The following CTNNA2 variants were observed in gnomAD, a reference collection of about 807,000 sequenced individuals.
CTNNA2 encodes the protein catenin alpha 2, also known as catenin alpha-2.
CTNNA2 carries 42 observed loss-of-function variants against 101.0 expected under a neutral mutation model. That is an observed-to-expected ratio of 0.42 (90% CI 0.32 to 0.54). The LOEUF (loss-of-function observed/expected upper bound fraction) is 0.54, where lower values mean the gene tolerates loss of function less well. CTNNA2 is among the 20% of genes least tolerant of loss of function. The pLI is 0.14. For missense variants in CTNNA2, 871 were observed against 1,223.1 expected (o/e 0.71, Z 4.29); for synonymous variants, 450 against 456.4 (o/e 0.99, Z 0.18).
intron 2 of CTNNA2, among the ~76,000 whole-genome samples, chr2:79,248,114 A>G (rs1282066995): frequency 6.6e-6 from 1 of 152,216 alleles, no homozygotes; most frequent in African/African-American, 2.4e-5. Context: ...CCAGTGGGGC[A>G]TTGGAAAATC....
At chr2:79,907,792 A>G (rs189960159) in intron 6 of CTNNA2, among the ~76,000 whole-genome samples, 2 of 152,356 alleles carry the variant, frequency 1.3e-5, no homozygotes, top group African/African-American at 4.8e-5. Flanking sequence ...TTCTAAATTG[A>G]AAAGAGGCTT....
At chr2:80,050,406 A>G (rs1696800811) in intron 7 of CTNNA2, among the ~76,000 whole-genome samples, 1 of 152,156 alleles carries the variant, frequency 6.6e-6, no homozygotes, top group African/African-American at 2.4e-5. Flanking sequence ...CCGGTAAATC[A>G]CAGACATATG....
chr2:80,433,783 G>A (rs1046978807), intron 9 of CTNNA2, among the ~76,000 whole-genome samples: 7 of 152,000 alleles, frequency 4.6e-5, no homozygotes, highest in African/African-American at 1.5e-4. Flanking sequence ...CCTTTCAAAC[G>A]GTTATTCTAT....
At chr2:79,860,545 A>ATTTTTTTTTTTTT (rs1558588951) in intron 4 of CTNNA2, among the ~76,000 whole-genome samples, 1 of 19,186 alleles carries the variant, frequency 5.2e-5, no homozygotes, top group African/African-American at 2.2e-4. Flanking sequence ...GAGTAAGGGA[A>ATTTTTTTTTTTTT]GTTTTTTTTT....
chr2:79,688,233 A>C (rs1486725227), intron 2 of CTNNA2, among the ~76,000 whole-genome samples: 9 of 152,102 alleles, frequency 5.9e-5, no homozygotes, highest in Non-Finnish European at 1.3e-4. Flanking sequence ...TGTGGGCTTA[A>C]GCCAAAAAAT....
intron 1 of CTNNA2, among the ~76,000 whole-genome samples, chr2:79,639,684 C>A (rs1482777601): frequency 6.6e-6 from 1 of 151,804 alleles, no homozygotes; most frequent in Non-Finnish European, 1.5e-5. Flanking sequence ...GTTTTCAATG[C>A]CTTGTTGAAT....
At position 80,644,714 on chromosome 2, in the gene CTNNA2, G is replaced by C. The variant is rs551097929; in HGVS notation, c.2575-2871G>C. Among the ~76,000 whole-genome samples, 3 of 152,230 alleles carry C rather than the reference G, an allele frequency of 2.0e-5. No homozygotes were observed. The South Asian group carries it at 6.2e-4, about 32-fold the overall frequency. On this transcript the variant is annotated intron_variant, in intron 18 of 18. Transcript: ENST00000402739. ...TAACTTTAAATTGGGCTTATTGTTT[G>C]TGGAAATATTTGTTCCAGTTCAGTT... is the stretch of plus-strand genomic sequence containing the variant.
At chr2:80,538,841 T>G (rs535504281) in intron 9 of CTNNA2, among the ~76,000 whole-genome samples, 39 of 152,352 alleles carry the variant, frequency 2.6e-4, no homozygotes, top group African/African-American at 9.1e-4. Context: ...ACGATACTGA[T>G]TCTTCCTGTC....
chr2:80,511,004 C>A (rs1688662635), intron 9 of CTNNA2, among the ~76,000 whole-genome samples: 1 of 152,134 alleles, frequency 6.6e-6, no homozygotes. Context: ...ACTTTAATAT[C>A]ATCTCTCAGG....
chr2:79,868,400 T>C (rs930785856), intron 4 of CTNNA2, among the ~76,000 whole-genome samples: 6 of 152,184 alleles, frequency 3.9e-5, no homozygotes, highest in Non-Finnish European at 7.4e-5. Flanking sequence ...GCCTATTTGG[T>C]AAATTGAATG....
chr2:80,635,432 T>C (rs1456919213), intron 18 of CTNNA2, among the ~76,000 whole-genome samples: 1 of 152,200 alleles, frequency 6.6e-6, no homozygotes, highest in Non-Finnish European at 1.5e-5. Context: ...TAAATGATGA[T>C]AGCATTTCCT....
At chr2:79,704,443 G>A (rs1459776908) in intron 2 of CTNNA2, among the ~76,000 whole-genome samples, 2 of 151,552 alleles carry the variant, frequency 1.3e-5, no homozygotes, top group African/African-American at 2.4e-5. Context: ...AATGTTTAAC[G>A]GTAAATATCC....
intron 7 of CTNNA2, among the ~76,000 whole-genome samples, chr2:80,122,158 ATCTCTCTCTT>A (rs776223259): frequency 1.5e-4 from 23 of 150,466 alleles, no homozygotes; most frequent in Non-Finnish European, 3.0e-4. Flanking sequence ...GGAGCTTGGA[ATCTCTCTCTT>A]TCTCTCTCTA....
chr2:80,397,459 A>G (rs950962329), intron 8 of CTNNA2, among the ~76,000 whole-genome samples: 1 of 152,060 alleles, frequency 6.6e-6, no homozygotes, highest in African/African-American at 2.4e-5. Flanking sequence ...CCCTTATGTC[A>G]TGGGAGGGAC....
chr2:79,786,996 A>G (rs1042912021), intron 3 of CTNNA2, among the ~76,000 whole-genome samples: 28 of 151,942 alleles, frequency 1.8e-4, no homozygotes, highest in Non-Finnish European at 5.9e-5. Context: ...TATTCAATCC[A>G]TGCCTTGGCA....
intron 15 of CTNNA2, among the ~76,000 whole-genome samples, chr2:80,590,549 C>G (rs62151978): frequency 0.064 from 9,788 of 151,858 alleles, 566 homozygotes; most frequent in African/African-American, 0.15. Flanking sequence ...TGATGGGTGA[C>G]AACTTTTTTT....
At chr2:79,455,560 T>G (rs747732785) in intron 4 of CTNNA2, among the ~76,000 whole-genome samples, 6 of 152,160 alleles carry the variant, frequency 3.9e-5, no homozygotes, top group Non-Finnish European at 8.8e-5. Context: ...GGTACTCCAC[T>G]CTCCCTTGTT....
intron 7 of CTNNA2, among the ~76,000 whole-genome samples, chr2:79,985,237 C>T (rs1691676812): frequency 6.6e-6 from 1 of 152,186 alleles, no homozygotes; most frequent in African/African-American, 2.4e-5. Context: ...CAGTGCTGCA[C>T]ACTCCATGCC....
chr2:79,324,733 T>TAC lies in CTNNA2; in HGVS notation c.-318+11952_-318+11953dup, dbSNP rs748850942. On this transcript the variant is annotated intron_variant, in intron 3 of 21. Coordinates refer to the CTNNA2 transcript ENST00000466387. ...GAGTGCACACACACCCACTACACACTACACACACACACACACGTACACACA... is the reference window on the plus strand; with the variant it reads ...GAGTGCACACACACCCACTACACACTACACACACACACACACACGTACACACA... Among the ~76,000 whole-genome samples, 229 of 119,442 alleles carry TAC rather than the reference T, an allele frequency of 1.9e-3. 1 individual carries two copies. The highest frequency in any genetic ancestry group is 1.6e-3 in the Non-Finnish European group (92 of 57,392). 78.4% of individuals were successfully genotyped at this position (119,442 alleles called of 152,430 possible). A position where few individuals can be genotyped will look rare whatever the true frequency, so the allele number is the denominator to read the frequency against.
Sources: allele counts gnomAD v4.1 joint callset (sites outside exome capture counted in the v4.1 genomes callset), GRCh38; gene constraint gnomAD v4.1.1; transcripts MANE v1.5; gene names NCBI Gene and HGNC (gene_info 2026-07-23, HGNC 2026-07-21).